SCN7A: variants seen among roughly 807,000 people sequenced by gnomAD.
The protein encoded by SCN7A is sodium channel protein type 7 subunit alpha.
In SCN7A, 138 loss-of-function variants were observed where a neutral mutation model predicts 155.2. That is an observed-to-expected ratio of 0.89 (90% confidence interval 0.77 to 1.02). The LOEUF is 1.02. Among genes scored for constraint, SCN7A ranks in the 50% least tolerant of loss-of-function variants. The probability of loss-of-function intolerance (pLI) is 0.00; values close to 1 mark genes in which losing one functional copy is unlikely to be tolerated. For synonymous variants in SCN7A, 693 were observed against 649.0 expected, an observed-to-expected ratio of 1.07 and a Z score of -1.03; for missense variants, 2,058 against 1,986.6, an observed-to-expected ratio of 1.04 and a Z score of -0.68.
At position 166,441,631 on chromosome 2, in the gene SCN7A, G is replaced by A. The variant is rs1221780816; in HGVS notation, c.1922C>T (p.Ser641Phe). ...AAACAGCTTCATGCCGAATGCAGCA[G>A]AAAAGAAGATGAATGTGAACAACAA... ...VLLLFTFIFF[S>F]AAFGMKLFGK... Residue 641 changes from serine (S) to phenylalanine (F), a missense_variant, in exon 15 of 26, where the codon TCT (serine) becomes TTT (phenylalanine). Coordinates refer to ENST00000643258, the MANE Select transcript of SCN7A (RefSeq NM_002976.4). 1 of 1,613,754 alleles carries A rather than the reference G, an allele frequency of 6.2e-7. No homozygotes were observed. The highest frequency in any genetic ancestry group is 8.5e-7 in the Non-Finnish European group (1 of 1,179,820).
At chr2:166,409,024 C>T (rs764333890) in intron 25 of SCN7A, among the ~76,000 whole-genome samples, 66 of 151,956 alleles carry the variant, frequency 4.3e-4, no homozygotes, top group Non-Finnish European at 4.9e-4. Context: ...GACTTCCCTA[C>T]CATAACCTTA....
chr2:166,447,246 C>T (rs1017252912), intron 12 of SCN7A, among the ~76,000 whole-genome samples: 3 of 151,972 alleles, frequency 2.0e-5, no homozygotes, highest in East Asian at 1.9e-4. Flanking sequence ...CAAATTAATG[C>T]CTTTTGATAT....
At chr2:166,447,161 A>C (rs1165391211) in intron 12 of SCN7A, among the ~76,000 whole-genome samples, 2 of 152,186 alleles carry the variant, frequency 1.3e-5, no homozygotes, top group Non-Finnish European at 2.9e-5. Context: ...AAATGTAGGG[A>C]CATCTCTCAA....
chr2:166,488,397 G>C (rs991293715), intron 1 of SCN7A, among the ~76,000 whole-genome samples: 1 of 152,048 alleles, frequency 6.6e-6, no homozygotes, highest in Non-Finnish European at 1.5e-5. Flanking sequence ...TGACTTCTAG[G>C]AAGCAGAAAC....
intron 3 of SCN7A, among the ~76,000 whole-genome samples, chr2:166,475,014 G>A (rs1216343004): frequency 6.9e-6 from 1 of 144,040 alleles, no homozygotes; most frequent in East Asian, 2.2e-4. Flanking sequence ...GTATGTACAT[G>A]AATGTGTGTG....
At chr2:166,447,558 G>T in intron 12 of SCN7A, 54 bp downstream of exon 12, 2 of 1,173,698 alleles carry the variant, frequency 1.7e-6, no homozygotes, top group Admixed American at 2.4e-5. Context: ...CTTTAAAAGT[G>T]AATTTTATGA....
intron 21 of SCN7A, among the ~76,000 whole-genome samples, chr2:166,413,709 C>G (rs920654655): frequency 1.3e-5 from 2 of 151,650 alleles, no homozygotes; most frequent in African/African-American, 4.8e-5. Flanking sequence ...CACCTTTAAT[C>G]TGGTGGACAC....
chr2:166,410,120 G>C (rs1180152331), intron 24 of SCN7A, 100 bp downstream of exon 24: 1 of 1,146,986 alleles, frequency 8.7e-7, no homozygotes, highest in African/African-American at 1.6e-5. Flanking sequence ...CTTTGTCAAG[G>C]GACACAAAAA....
rs1175537195 is a variant in SCN7A, at chr2:166,412,511, AAAT to A, written c.3606+16_3606+18del. 5.0e-6 allele frequency: 7 copies of A among 1,411,356 alleles called. No individual in the cohort carries two copies. Among genetic ancestry groups the A allele is most frequent in the Non-Finnish European group, 6.5e-6 (7 of 1,083,406 alleles). The allele number at this position is 1,411,356 out of a possible 1,614,324, so 87.4% of individuals were successfully genotyped here. Reference sequence around the variant, plus strand: ...TGATTTTCTCAGACATTGGATAAACAAATAATATTTATACTTATCTTTATTTTA... The same window carrying A: ...TGATTTTCTCAGACATTGGATAAACAAATATTTATACTTATCTTTATTTTA... On this transcript the variant is annotated intron_variant, in intron 23 of 25. Transcript: ENST00000643258.
intron 12 of SCN7A, among the ~76,000 whole-genome samples, chr2:166,447,382 T>C (rs963379415): frequency 1.3e-5 from 2 of 152,182 alleles, no homozygotes; most frequent in Admixed American, 6.5e-5. Flanking sequence ...GTCAATATGT[T>C]TTTAATGTTA....
chr2:166,458,268 G>A (rs780579461), intron 10 of SCN7A, among the ~76,000 whole-genome samples: 8 of 151,418 alleles, frequency 5.3e-5, no homozygotes, highest in Non-Finnish European at 1.2e-4. Flanking sequence ...GGCTGAGGCT[G>A]CTGTGAGCCA....
chr2:166,436,904 A>C (rs1701851238), intron 15 of SCN7A, among the ~76,000 whole-genome samples: 1 of 152,166 alleles, frequency 6.6e-6, no homozygotes, highest in Admixed American at 6.5e-5. Flanking sequence ...TGGCAGAAGA[A>C]ATTTCTAAGT....
In SCN7A at chr2:166,406,234, A is replaced by G. The variant is rs560012436; in HGVS notation, c.4395T>C (p.Asp1465=). ...AAATCCCAACAGAGGGGTTCCCACAATCTCCTCTAACTTGAGTCCCAGGGT... is the reference window on the plus strand; with the variant it reads ...AAATCCCAACAGAGGGGTTCCCACAGTCTCCTCTAACTTGAGTCCCAGGGT... ...KINPGTQVRG[D]CGNPSVGIFY... The change falls in exon 26 of 26, where the codon GAT becomes GAC. Residue 1465 remains aspartate, a synonymous_variant. Coordinates refer to ENST00000643258, the MANE Select transcript of SCN7A (RefSeq NM_002976.4). 10 of 1,613,238 alleles carry G rather than the reference A, an allele frequency of 6.2e-6. No individual in the cohort carries two copies. In the East Asian group the frequency reaches 2.0e-4, roughly 32 times the overall value.
intron 16 of SCN7A, among the ~76,000 whole-genome samples, chr2:166,431,974 C>T (rs1229261866): frequency 6.6e-6 from 1 of 151,940 alleles, no homozygotes; most frequent in Non-Finnish European, 1.5e-5. Context: ...CTTTTCAGCA[C>T]CCTCAAACTG....
In SCN7A at chr2:166,404,219, A is replaced by G. The variant is rs779813713; in HGVS notation, c.*1361T>C. The G allele has an allele frequency of 4.9e-4, 75 of 151,976 alleles. No individual in the cohort carries two copies. The highest frequency in any genetic ancestry group is 7.5e-4 in the Non-Finnish European group (51 of 67,908). 9.4% of individuals were successfully genotyped at this position (151,976 alleles called of 1,614,324 possible). A position where few individuals can be genotyped will look rare whatever the true frequency, so the allele number is the denominator to read the frequency against. ...TTGAAATCAATCTTCATAAAGTTGG[A>G]ATAACTCTCAGAATCTCAAACTACA... On this transcript the variant is annotated 3_prime_UTR_variant, in exon 26 of 26. Coordinates refer to ENST00000643258, the MANE Select transcript of SCN7A (RefSeq NM_002976.4).
At chr2:166,481,823 C>T (rs891591228) in intron 2 of SCN7A, among the ~76,000 whole-genome samples, 11 of 152,192 alleles carry the variant, frequency 7.2e-5, no homozygotes, top group Admixed American at 3.3e-4. Flanking sequence ...TCCAAGTATC[C>T]GAATGGTTCT....
At chr2:166,493,135 TG>T (rs1212417456) in intron 1 of SCN7A, among the ~76,000 whole-genome samples, 1 of 152,206 alleles carries the variant, frequency 6.6e-6, no homozygotes, top group Non-Finnish European at 1.5e-5. Context: ...CCTTCTACTT[TG>T]CCATAAATTG....
At chr2:166,426,909 T>C (rs1461079280) in intron 18 of SCN7A, among the ~76,000 whole-genome samples, 1 of 152,114 alleles carries the variant, frequency 6.6e-6, no homozygotes, top group Non-Finnish European at 1.5e-5. Context: ...TTCACAACCA[T>C]GACTCCATCT....
intron 3 of SCN7A, among the ~76,000 whole-genome samples, chr2:166,475,350 G>A (rs771892166): frequency 3.4e-5 from 5 of 148,928 alleles, no homozygotes; most frequent in Non-Finnish European, 6.0e-5. Flanking sequence ...TAGATACTAC[G>A]GTATTATATG....
Sources: allele counts gnomAD v4.1 joint callset (sites outside exome capture counted in the v4.1 genomes callset), GRCh38; gene constraint gnomAD v4.1.1; transcripts MANE v1.5; gene names NCBI Gene and HGNC (gene_info 2026-07-23, HGNC 2026-07-21).